Variants in MACROD2 observed in about 807,000 individuals in gnomAD.
The protein encoded by MACROD2 is ADP-ribose glycohydrolase MACROD2.
A neutral mutation model predicts 70.4 loss-of-function variants in MACROD2; 36 were observed. The ratio of observed to expected loss-of-function variants is 0.51; its 90% CI spans 0.39 to 0.68. The LOEUF (loss-of-function observed/expected upper bound fraction) is 0.68, where lower values mean the gene tolerates loss of function less well. MACROD2 is among the 30% of genes least tolerant of loss of function. MACROD2 has a pLI of 0.00. For synonymous variants in MACROD2, 172 were observed against 178.8 expected (o/e 0.96, Z 0.30); for missense variants, 496 against 538.4 (o/e 0.92, Z 0.78).
intron 3 of MACROD2, among the ~76,000 whole-genome samples, chr20:14,424,303 A>G (rs1214383457): frequency 4.0e-5 from 6 of 151,874 alleles, no homozygotes; most frequent in Non-Finnish European, 8.8e-5. Context: ...TTTACCTCTT[A>G]CTCTTTTCAG....
chr20:14,110,653 C>T (rs1333358330), intron 3 of MACROD2, among the ~76,000 whole-genome samples: 1 of 151,458 alleles, frequency 6.6e-6, no homozygotes, highest in Non-Finnish European at 1.5e-5. Flanking sequence ...AAATTAAATA[C>T]CTAGGAATTA....
intron 6 of MACROD2, among the ~76,000 whole-genome samples, chr20:15,395,771 A>G (rs1476840278): frequency 6.6e-6 from 1 of 152,224 alleles, no homozygotes; most frequent in South Asian, 2.1e-4. Context: ...CAATAGGTTA[A>G]TGTTTCTGGA....
chr20:14,571,715 A>G (rs1218214622), intron 4 of MACROD2, among the ~76,000 whole-genome samples: 3 of 152,106 alleles, frequency 2.0e-5, no homozygotes, highest in Non-Finnish European at 4.4e-5. Context: ...TTTGATAGGC[A>G]TTCTATTAAA....
chr20:14,808,843 G>A (rs2072672887), intron 5 of MACROD2, among the ~76,000 whole-genome samples: 1 of 151,570 alleles, frequency 6.6e-6, no homozygotes, highest in Non-Finnish European at 1.5e-5. Context: ...GACAAAGAAG[G>A]GCATTACATA....
chr20:15,096,808 ATTT>A (rs11479076), intron 5 of MACROD2, among the ~76,000 whole-genome samples: 10 of 93,640 alleles, frequency 1.1e-4, no homozygotes, highest in Non-Finnish European at 1.4e-4. Flanking sequence ...CACTATGCTA[ATTT>A]TTTTTTTTTT....
intron 8 of MACROD2, among the ~76,000 whole-genome samples, chr20:15,585,229 G>T (rs1472919281): frequency 6.9e-6 from 1 of 145,022 alleles, no homozygotes; most frequent in Non-Finnish European, 1.5e-5. Flanking sequence ...ATGGAGTCTC[G>T]CTCTGTCGCC....
intron 5 of MACROD2, among the ~76,000 whole-genome samples, chr20:14,998,319 T>C (rs2122889541): frequency 6.6e-6 from 1 of 152,258 alleles, no homozygotes; most frequent in Non-Finnish European, 1.5e-5. Flanking sequence ...ATGTGACCTT[T>C]CAGATGGAGA....
Position 14,708,644 on chromosome 20 carries a change from G to A in MACROD2, c.418+23685G>A, listed in dbSNP as rs575250652. Among the ~76,000 whole-genome samples the A allele has an allele frequency of 9.2e-5, 14 of 152,174 alleles. No individual in the cohort carries two copies. In the South Asian group the frequency reaches 2.9e-3, roughly 32 times the overall value. On this transcript the variant is annotated intron_variant, in intron 5 of 17. Transcript: ENST00000684519. ...TTTGTTGCTTTTATTTTGAGACTGA[G>A]TCTAGCTCTGTCACCCAGGCTGGAG...
intron 4 of MACROD2, among the ~76,000 whole-genome samples, chr20:14,661,443 G>A (rs1986222562): frequency 6.6e-6 from 1 of 152,004 alleles, no homozygotes; most frequent in South Asian, 2.1e-4. Context: ...TATGGATTCT[G>A]GATATTAGAC....
chr20:14,420,687 C>G (rs2083866259), intron 3 of MACROD2, among the ~76,000 whole-genome samples: 1 of 151,958 alleles, frequency 6.6e-6, no homozygotes, highest in African/African-American at 2.4e-5. Context: ...TCTTTTTAAT[C>G]TCTTGAAAAT....
intron 6 of MACROD2, among the ~76,000 whole-genome samples, chr20:15,430,490 T>C (rs1205723874): frequency 6.6e-6 from 1 of 152,018 alleles, no homozygotes; most frequent in Non-Finnish European, 1.5e-5. Context: ...GTAAAACAGC[T>C]TGGTTGAATT....
At chr20:14,455,608 A>G (rs1391882026) in intron 3 of MACROD2, among the ~76,000 whole-genome samples, 1 of 151,922 alleles carries the variant, frequency 6.6e-6, no homozygotes, top group African/African-American at 2.4e-5. Flanking sequence ...GTTGAAAGCA[A>G]CTATAAATTA....
chr20:14,665,709 CCTATCTTTACTAGCAT>C (rs1216750839), intron 4 of MACROD2, among the ~76,000 whole-genome samples: 1 of 151,878 alleles, frequency 6.6e-6, no homozygotes. Flanking sequence ...TTTTCCTCAA[CCTATCTTTACTAGCAT>C]AATTAACTTA....
chr20:15,490,350 C>T (rs1057208073), intron 7 of MACROD2, among the ~76,000 whole-genome samples: 3 of 151,802 alleles, frequency 2.0e-5, no homozygotes, highest in Non-Finnish European at 4.4e-5. Context: ...ATGCAGCCTC[C>T]AATTCCTAGT....
Position 14,862,090 on chromosome 20 carries a change from T to A in MACROD2, c.418+177131T>A, listed in dbSNP as rs1448768839. ...ATATATATAAATATATAAATATATA[T>A]AAATATATATTTATACATAAATATA... On this transcript the variant is annotated intron_variant, in intron 5 of 17. Transcript: ENST00000684519. Among the ~76,000 whole-genome samples, 22 of 35,796 alleles carry A rather than the reference T, an allele frequency of 6.1e-4. 4 individuals are homozygous for A. The highest frequency in any genetic ancestry group is 2.7e-3 in the African/African-American group (21 of 7,852). 23.5% of individuals were successfully genotyped at this position (35,796 alleles called of 152,430 possible). A position where few individuals can be genotyped will look rare whatever the true frequency, so the allele number is the denominator to read the frequency against.
chr20:14,429,700 C>G (rs1222957101), intron 3 of MACROD2, among the ~76,000 whole-genome samples: 1 of 152,160 alleles, frequency 6.6e-6, no homozygotes, highest in Non-Finnish European at 1.5e-5. Flanking sequence ...TTCTCTGGCA[C>G]TAGAAGAGCT....
intron 5 of MACROD2, among the ~76,000 whole-genome samples, chr20:15,114,560 T>G (rs917847246): frequency 6.6e-6 from 1 of 152,066 alleles, no homozygotes; most frequent in African/African-American, 2.4e-5. Flanking sequence ...GGAAGAGAAC[T>G]CCAAGCTCCA....
intron 5 of MACROD2, among the ~76,000 whole-genome samples, chr20:14,977,736 C>G (rs2122825677): frequency 1.3e-5 from 2 of 152,150 alleles, no homozygotes; most frequent in Middle Eastern, 6.8e-3. Flanking sequence ...CAGTGAGGAT[C>G]ATAGTGGGAG....
chr20:15,229,949 A>G lies in MACROD2; in HGVS notation c.428A>G (p.His143Arg). The change falls in exon 6 of 18, where the codon CAT becomes CGT. Residue 143 changes from histidine to arginine, a missense_variant. By Grantham distance (29) the His-to-Arg change is conservative. Transcript: ENST00000684519. ...CCTTTTGTATTTACAGATGTCATCCATACTGTAGGGCCAATAGCCAGGGGC... is the reference window on the plus strand; with the variant it reads ...CCTTTTGTATTTACAGATGTCATCCGTACTGTAGGGCCAATAGCCAGGGGC... ...GYDLPAKYVI[H>R]TVGPIARGHI... 6.2e-7 allele frequency: 1 copy of G among 1,612,726 alleles called. No homozygotes were observed. The highest frequency in any genetic ancestry group is 8.5e-7 in the Non-Finnish European group (1 of 1,179,422).
Sources: allele counts gnomAD v4.1 joint callset (sites outside exome capture counted in the v4.1 genomes callset), GRCh38; gene constraint gnomAD v4.1.1; transcripts MANE v1.5; gene names NCBI Gene and HGNC (gene_info 2026-07-23, HGNC 2026-07-21).